ARHGAP15: variants seen among roughly 807,000 people sequenced by gnomAD.
The protein encoded by ARHGAP15 is rho GTPase-activating protein 15.
ARHGAP15 carries 51 observed loss-of-function variants against 63.7 expected under a neutral mutation model. The observed-to-expected ratio is 0.80, with a 90% confidence interval of 0.64 to 1.01. ARHGAP15 has a LOEUF of 1.01. Ranked by LOEUF, ARHGAP15 falls within the 50% of genes least tolerant of loss-of-function variation. The pLI is 0.00. For missense variants in ARHGAP15, 560 were observed against 564.6 expected, an observed-to-expected ratio of 0.99 and a Z score of 0.08; for synonymous variants, 191 against 193.8, an observed-to-expected ratio of 0.99 and a Z score of 0.12.
chr2:143,507,439 A>C (rs1693371289), intron 9 of ARHGAP15, among the ~76,000 whole-genome samples: 1 of 152,166 alleles, frequency 6.6e-6, no homozygotes, highest in East Asian at 1.9e-4. Context: ...CATGTCAGTG[A>C]GTGCCCCTTT....
chr2:143,215,017 G>A (rs1433040431), intron 3 of ARHGAP15, among the ~76,000 whole-genome samples: 1 of 152,032 alleles, frequency 6.6e-6, no homozygotes, highest in African/African-American at 2.4e-5. Context: ...TTTGACTATT[G>A]GCACTACCAA....
intron 4 of ARHGAP15, among the ~76,000 whole-genome samples, chr2:143,227,524 G>C (rs112575690): frequency 8.0e-4 from 122 of 152,262 alleles, no homozygotes; most frequent in African/African-American, 2.8e-3. Context: ...GGAAGTCATG[G>C]AAGGCACATA....
chr2:143,272,251 G>C (rs1681323282), intron 6 of ARHGAP15, among the ~76,000 whole-genome samples: 1 of 152,148 alleles, frequency 6.6e-6, no homozygotes, highest in Non-Finnish European at 1.5e-5. Context: ...GAACATATTA[G>C]GGAGGAGAGC....
In ARHGAP15 at chr2:143,673,773, T is replaced by TATAC. The variant is rs1553520623; in HGVS notation, c.1139-29643_1139-29642insCATA. Among the ~76,000 whole-genome samples the TATAC allele has an allele frequency of 1.3e-3, 132 of 102,272 alleles. 8 individuals are homozygous for TATAC. Among genetic ancestry groups the TATAC allele is most frequent in the African/African-American group, 4.7e-3 (131 of 28,082 alleles). The allele number at this position is 102,272 out of a possible 152,430, so 67.1% of individuals were successfully genotyped here. A position where few individuals can be genotyped will look rare whatever the true frequency, so the allele number is the denominator to read the frequency against. On this transcript the variant is annotated intron_variant, in intron 12 of 13. Transcript: ENST00000295095. ...GTGTGTGTGTGTATATATATATATA[T>TATAC]ATATATATATAAACAACTCCTGCAA... is the stretch of plus-strand genomic sequence containing the variant.
chr2:143,733,312 A>T (rs1411999294), intron 13 of ARHGAP15, among the ~76,000 whole-genome samples: 1 of 152,206 alleles, frequency 6.6e-6, no homozygotes, highest in South Asian at 2.1e-4. Flanking sequence ...GCTGAAAAGG[A>T]TGGAGATCTG....
intron 13 of ARHGAP15, among the ~76,000 whole-genome samples, chr2:143,719,604 GCTAA>G (rs1320630405): frequency 2.0e-5 from 3 of 152,070 alleles, no homozygotes; most frequent in African/African-American, 7.2e-5. Context: ...TTCCCCTGGT[GCTAA>G]CTTTTAAGTC....
chr2:143,448,266 C>T (rs188131930), intron 8 of ARHGAP15, among the ~76,000 whole-genome samples: 7 of 152,208 alleles, frequency 4.6e-5, no homozygotes, highest in Admixed American at 1.3e-4. Context: ...GGCAAAGGGT[C>T]TCTCACGGAA....
intron 12 of ARHGAP15, 118 bp downstream of exon 12, chr2:143,624,385 T>C: frequency 8.4e-7 from 1 of 1,184,488 alleles, no homozygotes; most frequent in Non-Finnish European, 1.1e-6. Flanking sequence ...TCCCCGATGC[T>C]CCATATCTTA....
intron 10 of ARHGAP15, among the ~76,000 whole-genome samples, chr2:143,555,216 T>C (rs918222422): frequency 3.9e-5 from 6 of 152,172 alleles, no homozygotes; most frequent in Admixed American, 3.3e-4. Context: ...GTGTTCCTAA[T>C]ACAAAGTGTG....
At chr2:143,243,640 A>G (rs1045651666) in intron 5 of ARHGAP15, among the ~76,000 whole-genome samples, 6 of 152,124 alleles carry the variant, frequency 3.9e-5, no homozygotes, top group East Asian at 3.9e-4. Flanking sequence ...TATGTTTTCT[A>G]TTAAAGGATT....
intron 10 of ARHGAP15, among the ~76,000 whole-genome samples, chr2:143,537,642 TC>T (rs1358064355): frequency 6.6e-6 from 1 of 152,262 alleles, no homozygotes; most frequent in Non-Finnish European, 1.5e-5. Flanking sequence ...GGGAATCCTT[TC>T]CCCATTGCTT....
At chr2:143,736,533 GTA>G (rs956313405) in intron 13 of ARHGAP15, among the ~76,000 whole-genome samples, 1 of 152,138 alleles carries the variant, frequency 6.6e-6, no homozygotes, top group Non-Finnish European at 1.5e-5. Flanking sequence ...AGTGTAGAGT[GTA>G]TAGTTATAGA....
chr2:143,368,673 T>C (rs1289600028), intron 6 of ARHGAP15, among the ~76,000 whole-genome samples: 1 of 152,058 alleles, frequency 6.6e-6, no homozygotes, highest in African/African-American at 2.4e-5. Flanking sequence ...TTAGAAGATA[T>C]GTGAGAGTCA....
intron 13 of ARHGAP15, among the ~76,000 whole-genome samples, chr2:143,720,607 T>A (rs1187139178): frequency 3.3e-5 from 5 of 152,158 alleles, no homozygotes; most frequent in Admixed American, 2.6e-4. Context: ...TTCGAATGAA[T>A]GAGGGCATCG....
intron 10 of ARHGAP15, among the ~76,000 whole-genome samples, chr2:143,525,307 T>TA (rs1304736906): frequency 1.5e-5 from 2 of 137,734 alleles, no homozygotes; most frequent in African/African-American, 2.7e-5. Context: ...AAGCAGTGAG[T>TA]AAAAAAAAGT....
At chr2:143,591,623 T>TC (rs1447153241) in intron 11 of ARHGAP15, among the ~76,000 whole-genome samples, 34 of 130,582 alleles carry the variant, frequency 2.6e-4, no homozygotes, top group Admixed American at 3.5e-4. Context: ...TCTTTTTTTT[T>TC]TTTCTTTTTT....
chr2:143,608,776 A>G (rs1698144668), intron 11 of ARHGAP15: 1 of 152,222 alleles, frequency 6.6e-6, no homozygotes, highest in African/African-American at 2.4e-5. Context: ...TGGTTTGTTC[A>G]CTTTAAAAAA....
intron 10 of ARHGAP15, among the ~76,000 whole-genome samples, chr2:143,544,481 G>A (rs1695238635): frequency 1.3e-5 from 2 of 152,074 alleles, no homozygotes; most frequent in South Asian, 4.1e-4. Flanking sequence ...CTACACACAT[G>A]TGTATATATG....
At chr2:143,156,284 A>G (rs2105011510) in intron 2 of ARHGAP15, among the ~76,000 whole-genome samples, 1 of 152,040 alleles carries the variant, frequency 6.6e-6, no homozygotes, top group African/African-American at 2.4e-5. Context: ...CTGAGCCACT[A>G]AACCCACTGA....
Sources: gnomAD v4.1 joint callset for allele counts (sites outside exome capture counted in the v4.1 genomes callset) on GRCh38, gnomAD v4.1.1 for gene constraint, MANE v1.5 for transcripts, NCBI Gene and HGNC (gene_info 2026-07-23, HGNC 2026-07-21) for gene names.